The following RAD23A variants were observed in gnomAD, a reference collection of about 807,000 sequenced individuals.
RAD23A encodes RAD23 nucleotide excision repair protein A.
A neutral mutation model predicts 44.8 loss-of-function variants in RAD23A; 16 were observed. The observed-to-expected ratio is 0.36, with a 90% CI of 0.24 to 0.54. RAD23A has a LOEUF of 0.54. Ranked by LOEUF, RAD23A falls within the 20% of genes least tolerant of loss-of-function variation. The probability of loss-of-function intolerance (pLI) is 0.89; values close to 1 mark genes in which losing one functional copy is unlikely to be tolerated. For synonymous variants in RAD23A, 217 were observed against 202.9 expected, an observed-to-expected ratio of 1.07 and a Z score of -0.59; for missense variants, 380 against 483.3, an observed-to-expected ratio of 0.79 and a Z score of 2.00.
chr19:12,949,011 TC>T, intron 5 of RAD23A, 69 bp from the exon 6 acceptor site: 2 of 1,563,638 alleles, frequency 1.3e-6, no homozygotes, highest in Non-Finnish European at 1.7e-6. Context: ...CTCATCTGTG[TC>T]CTGCCAGGGC....
intron 7 of RAD23A, among the ~76,000 whole-genome samples, chr19:12,951,433 T>G (rs1971808514): frequency 1.3e-5 from 2 of 151,554 alleles, no homozygotes; most frequent in South Asian, 2.1e-4. Context: ...CTGTTTTTTG[T>G]TTTTTTTGTT....
Position 12,945,904 on chromosome 19 carries a change from T to G in RAD23A, c.-45T>G. 1.3e-6 allele frequency: 2 copies of G among 1,587,916 alleles called. No individual in the cohort carries two copies. Among genetic ancestry groups the G allele is most frequent in the Non-Finnish European group, 8.6e-7 (1 of 1,162,724 alleles). ...TAAGATGGCGGCGGCGTGAGTTGCA[T>G]GTTGTGTGAGGATCCCGGGGCCGCC... On this transcript the variant is annotated 5_prime_UTR_variant, in exon 1 of 9. An upstream start codon of the reference 5' UTR is lost. Coordinates refer to ENST00000586534, the MANE Select transcript of RAD23A (RefSeq NM_005053.4).
chr19:12,945,880 A>G lies in RAD23A; in HGVS notation c.-69A>G. Reference sequence around the variant, plus strand: ...GCGCGGCGCGGCGCGCCTGGGCGCTAAGATGGCGGCGGCGTGAGTTGCATG... The same window carrying G: ...GCGCGGCGCGGCGCGCCTGGGCGCTGAGATGGCGGCGGCGTGAGTTGCATG... On this transcript the variant is annotated 5_prime_UTR_variant, in exon 1 of 9. Coordinates refer to ENST00000586534, the MANE Select transcript of RAD23A (RefSeq NM_005053.4). The G allele has an allele frequency of 6.5e-7, 1 of 1,538,542 alleles. No homozygotes were observed. Among genetic ancestry groups the G allele is most frequent in the Non-Finnish European group, 8.9e-7 (1 of 1,124,888 alleles).
At position 12,945,996 on chromosome 19, in the gene RAD23A, G is replaced by A. The variant is rs1052508515; in HGVS notation, c.48G>A (p.Lys16=). 1.2e-4 allele frequency: 193 copies of A among 1,549,874 alleles called. No individual in the cohort carries two copies. The highest frequency in any genetic ancestry group is 1.6e-4 in the Non-Finnish European group (187 of 1,142,460). The change falls in exon 1 of 9, where the codon AAG becomes AAA. Residue 16 remains lysine (K), a synonymous_variant. Transcript: ENST00000586534. The stretch of plus-strand genomic sequence containing the variant: ...AAACGCTGCAGCAGCAGACCTTCAA[G>A]ATCCGCATGGAGCCTGACGAGACGG... ...TLKTLQQQTF[K]IRMEPDETVK...
At position 12,945,886 on chromosome 19, in the gene RAD23A, G is replaced by A; in HGVS notation, c.-63G>A. On this transcript the variant is annotated 5_prime_UTR_variant, in exon 1 of 9. Coordinates refer to ENST00000586534, the MANE Select transcript of RAD23A (RefSeq NM_005053.4). ...CGCGGCGCGCCTGGGCGCTAAGATG[G>A]CGGCGGCGTGAGTTGCATGTTGTGT... The A allele has an allele frequency of 2.6e-6, 4 of 1,547,908 alleles. No individual in the cohort carries two copies. Among genetic ancestry groups the A allele is most frequent in the Non-Finnish European group, 3.5e-6 (4 of 1,131,616 alleles).
intron 1 of RAD23A, 109 bp from the exon 2 acceptor site, chr19:12,947,739 C>A: frequency 9.5e-7 from 1 of 1,055,966 alleles, no homozygotes; most frequent in Non-Finnish European, 1.4e-6. Flanking sequence ...CTTAAAAAAC[C>A]CAGCGTGCTT....
At chr19:12,952,030 C>G (rs1256504754) in intron 7 of RAD23A, among the ~76,000 whole-genome samples, 3 of 152,070 alleles carry the variant, frequency 2.0e-5, no homozygotes, top group Non-Finnish European at 4.4e-5. Context: ...TCAAGTGATT[C>G]TCCTACCTTA....
Position 12,948,839 on chromosome 19 carries a change from G to A in RAD23A, c.600+26G>A. ...GTGAGGTGGGGCTTCCGCCTCCCGG[G>A]GAGGCCTTGAGGGAGTACCCGGGCG... On this transcript the variant is annotated intron_variant, in intron 5 of 8. Transcript: ENST00000586534. The surrounding 1 kb of genome is among the most constrained non-coding windows in gnomAD (Gnocchi z 5.5). 1.3e-6 allele frequency: 2 copies of A among 1,581,742 alleles called. No individual in the cohort carries two copies. The highest frequency in any genetic ancestry group is 1.7e-6 in the Non-Finnish European group (2 of 1,167,916).
rs1484247359 is a variant in RAD23A at position 12,948,587 on chromosome 19, G to C, written c.472+35G>C. The C allele has an allele frequency of 6.3e-7, 1 of 1,576,048 alleles. No individual in the cohort carries two copies. Among genetic ancestry groups the C allele is most frequent in the Non-Finnish European group, 8.6e-7 (1 of 1,160,868 alleles). On this transcript the variant is annotated intron_variant, in intron 4 of 8. Transcript: ENST00000586534. The surrounding 1 kb of genome is among the most constrained non-coding windows in gnomAD (Gnocchi z 5.5). ...TGGTCCCCAGGGCAGAGGTGACTGG[G>C]TGCCCCAGCCATCAGCTGGGCCTTG... is the stretch of plus-strand genomic sequence containing the variant.
rs200044346 is a variant in RAD23A at position 12,953,098 on chromosome 19, A to C, written c.*49A>C. 1 of 1,307,798 alleles carries C rather than the reference A, an allele frequency of 7.6e-7. No individual in the cohort carries two copies. Among genetic ancestry groups the C allele is most frequent in the Non-Finnish European group, 1.1e-6 (1 of 932,766 alleles). 81.0% of individuals were successfully genotyped at this position (1,307,798 alleles called of 1,614,324 possible). A position where few individuals can be genotyped will look rare whatever the true frequency, so the allele number is the denominator to read the frequency against. On this transcript the variant is annotated 3_prime_UTR_variant, in exon 9 of 9. Coordinates refer to ENST00000586534, the MANE Select transcript of RAD23A (RefSeq NM_005053.4). The stretch of plus-strand genomic sequence containing the variant: ...GCCCCCACCCTACCCTTATTCCATG[A>C]AAGTTTTATAAAAGAAAAAATATAT...
Position 12,949,406 on chromosome 19 carries a change from C to T in RAD23A, c.811C>T (p.Gln271Ter). 3 of 1,612,774 alleles carry T rather than the reference C, an allele frequency of 1.9e-6. No homozygotes were observed. The highest frequency in any genetic ancestry group is 2.5e-6 in the Non-Finnish European group (3 of 1,178,878). Residue 271 changes from glutamine (Q) to a stop codon, truncating the protein, a stop_gained and splice_region_variant, in exon 7 of 9, where the codon CAG (glutamine) becomes TAG (stop). Transcript: ENST00000586534. LOFTEE classifies it high-confidence loss of function. ...QLGQENPQLLQQISRHQEQFI... is the reference protein window; with the variant it reads ...QLGQENPQLL ...GGGCCAGGAGAACCCTCAGCTTTTA[C>T]AGGTGTGGTCCCAAGGGCAGAGGGA...
At chr19:12,946,069 T>TTGGGGGGGGG in intron 1 of RAD23A, 49 bp downstream of exon 1, 3 of 171,586 alleles carry the variant, frequency 1.7e-5, no homozygotes, top group Non-Finnish European at 3.1e-5. Context: ...GTTTCGGGGG[T>TTGGGGGGGGG]GGGGTGGGGG....
At position 12,952,916 on chromosome 19, in the gene RAD23A, C is replaced by G. The variant is rs756549560; in HGVS notation, c.979-20C>G. 3 of 1,613,438 alleles carry G rather than the reference C, an allele frequency of 1.9e-6. No homozygotes were observed. Among genetic ancestry groups the G allele is most frequent in the East Asian group, 4.5e-5 (2 of 44,864 alleles). ...GGACCCCTACCCTCTCCTGCTCACA[C>G]TTAACCTATCTTCCCACAGTTGAAG... On this transcript the variant is annotated intron_variant, in intron 8 of 8. Coordinates refer to ENST00000586534, the MANE Select transcript of RAD23A (RefSeq NM_005053.4).
In RAD23A at chr19:12,948,041, T is replaced by TGGAC; in HGVS notation, c.234+34_234+37dup. On this transcript the variant is annotated intron_variant, in intron 2 of 8. Transcript: ENST00000586534. The surrounding 1 kb of genome is among the most constrained non-coding windows in gnomAD (Gnocchi z 5.5). The stretch of plus-strand genomic sequence containing the variant: ...GACGTGTGCTGGCTGGGAGGGTGGG[T>TGGAC]GGACGAGCTGGGGAGCTGGCAAAGA... The TGGAC allele has an allele frequency of 6.2e-7, 1 of 1,610,198 alleles. No homozygotes were observed. The highest frequency in any genetic ancestry group is 8.5e-7 in the Non-Finnish European group (1 of 1,178,616).
Position 12,953,606 on chromosome 19 carries a change from G to A in RAD23A, c.*557G>A, listed in dbSNP as rs906854172. Reference sequence around the variant, plus strand: ...CACCCCAGAACAGAACCGTGTCTCTGATAAAGGTTTTGAAGTGAATAAAGT... The same window carrying A: ...CACCCCAGAACAGAACCGTGTCTCTAATAAAGGTTTTGAAGTGAATAAAGT... On this transcript the variant is annotated 3_prime_UTR_variant, in exon 9 of 9. Transcript: ENST00000586534. The A allele has an allele frequency of 6.5e-6, 1 of 153,674 alleles. No homozygotes were observed. The allele number at this position is 153,674 out of a possible 1,614,324, so 9.5% of individuals were successfully genotyped here.
At chr19:12,951,296 A>G (rs1309655687) in intron 7 of RAD23A, among the ~76,000 whole-genome samples, 2 of 152,106 alleles carry the variant, frequency 1.3e-5, no homozygotes, top group Non-Finnish European at 2.9e-5. Context: ...TTTCTAAAAG[A>G]TCCACAGACC....
chr19:12,949,008 G>C, intron 5 of RAD23A, 73 bp from the exon 6 acceptor site: 1 of 1,556,992 alleles, frequency 6.4e-7, no homozygotes, highest in Non-Finnish European at 8.7e-7. Flanking sequence ...GGCCTCATCT[G>C]TGTCCTGCCA....
Position 12,947,968 on chromosome 19 carries a change from C to T in RAD23A, c.193C>T (p.Arg65Cys), listed in dbSNP as rs765976759. ...LSDDVPIRDY[R>C]IDEKNFVVVM... is the part of the protein sequence containing the mutation. ...TGACGATGTCCCTATCAGGGACTAT[C>T]GCATCGATGAGAAGAACTTTGTGGT... The change falls in exon 2 of 9, where the codon CGC (arginine) becomes TGC (cysteine). Residue 65 changes from arginine to cysteine, a missense_variant. Arg to Cys is a radical substitution (Grantham distance 180). This residue lies in a region of RAD23A where 70 missense variants were observed against 106.0 expected (regional missense o/e 0.66). Transcript: ENST00000586534. 16 of 1,613,744 alleles carry T rather than the reference C, an allele frequency of 9.9e-6. No individual in the cohort carries two copies. Among genetic ancestry groups the T allele is most frequent in the Middle Eastern group, 1.6e-4 (1 of 6,076 alleles).
At position 12,948,954 on chromosome 19, in the gene RAD23A, G is replaced by A. The variant is rs1971735664; in HGVS notation, c.601-127G>A. On this transcript the variant is annotated intron_variant, in intron 5 of 8. Transcript: ENST00000586534. This position sits in a 1 kb window ranked among gnomAD's most constrained non-coding sequence, Gnocchi z 5.5. ...TAGCCACTAAAGGCTTCCCACAGGA[G>A]GCTGGATGTGAGTGATGGGTGGGCC... 1.3e-6 allele frequency: 2 copies of A among 1,528,510 alleles called. No homozygotes were observed. Among genetic ancestry groups the A allele is most frequent in the Non-Finnish European group, 1.8e-6 (2 of 1,119,858 alleles). 94.7% of individuals were successfully genotyped at this position (1,528,510 alleles called of 1,614,324 possible).
Sources: gnomAD v4.1 joint callset for allele counts (sites outside exome capture counted in the v4.1 genomes callset) on GRCh38, gnomAD v4.1.1 for gene constraint, gnomAD v4.1.1 regional missense constraint, Gnocchi (gnomAD v3.1) non-coding constraint, MANE v1.5 for transcripts, NCBI Gene and HGNC (gene_info 2026-07-23, HGNC 2026-07-21) for gene names.